Variants in SELENOI observed in about 807,000 individuals in gnomAD.
The protein encoded by SELENOI is selenoprotein I, also known as ethanolaminephosphotransferase 1.
Under a neutral mutation model 50.7 loss-of-function variants are expected in SELENOI, and 24 were observed. The ratio of observed to expected loss-of-function variants is 0.47; its 90% CI spans 0.34 to 0.67. SELENOI has a LOEUF of 0.67. SELENOI is among the 30% of genes least tolerant of loss of function. The pLI, the probability that SELENOI is intolerant of heterozygous loss-of-function variation, is 0.01. For missense variants in SELENOI, 352 were observed against 461.4 expected (o/e 0.76, Z 2.17); for synonymous variants, 155 against 170.2 (o/e 0.91, Z 0.70).
intron 5 of SELENOI, 89 bp from the exon 6 acceptor site, chr2:26,374,951 A>T (rs1416008549): frequency 5.1e-5 from 43 of 848,676 alleles, no homozygotes; most frequent in African/African-American, 8.6e-5. Context: ...AAACTGTTTG[A>T]CTTGACTTAA....
At chr2:26,353,515 T>C (rs948820560) in intron 1 of SELENOI, among the ~76,000 whole-genome samples, 1 of 152,244 alleles carries the variant, frequency 6.6e-6, no homozygotes, top group Non-Finnish European at 1.5e-5. Context: ...CCATTACAGT[T>C]AATTGAAGCA....
chr2:26,347,743 TAA>T lies in SELENOI; in HGVS notation c.57+1457_57+1458del, dbSNP rs750955322. On this transcript the variant is annotated intron_variant, in intron 1 of 9. Coordinates refer to ENST00000260585, the MANE Select transcript of SELENOI (RefSeq NM_033505.4). ...TAGGGTCTGACTTTCTAAGTGCCAA[TAA>T]AATAGCTATTTCAATGGGAGCAGTG... Among the ~76,000 whole-genome samples the T allele has an allele frequency of 2.6e-5, 4 of 152,232 alleles. No individual in the cohort carries two copies. The East Asian group carries it at 7.7e-4, about 29-fold the overall frequency.
At chr2:26,384,328 C>T (rs1055159972) in intron 7 of SELENOI, among the ~76,000 whole-genome samples, 3 of 152,186 alleles carry the variant, frequency 2.0e-5, no homozygotes, top group Non-Finnish European at 2.9e-5. Flanking sequence ...GATTATTTCT[C>T]TACATTTTCT....
Position 26,389,157 on chromosome 2 carries a change from C to A in SELENOI, c.*54C>A. 7.5e-7 allele frequency: 1 copy of A among 1,328,982 alleles called. No homozygotes were observed. 82.3% of individuals were successfully genotyped at this position (1,328,982 alleles called of 1,614,324 possible). On this transcript the variant is annotated 3_prime_UTR_variant, in exon 10 of 10. Transcript: ENST00000260585. ...TGTAAATAAATGCTTGTAAATATTT[C>A]CTCCATCACCATTGAACTAGACTGA... is the stretch of plus-strand genomic sequence containing the variant.
chr2:26,376,679 C>G (rs1436885033), intron 6 of SELENOI, among the ~76,000 whole-genome samples: 1 of 152,134 alleles, frequency 6.6e-6, no homozygotes, highest in Non-Finnish European at 1.5e-5. Context: ...ACATATTTGC[C>G]TTATATTTGA....
At position 26,373,647 on chromosome 2, in the gene SELENOI, C is replaced by A; in HGVS notation, c.573+18C>A. The stretch of plus-strand genomic sequence containing the variant: ...GCCAGGTGGTAAGTATGTGTTCTAC[C>A]TTAAATTTTCAGTATTACCATGATA... On this transcript the variant is annotated intron_variant, in intron 5 of 9. Coordinates refer to ENST00000260585, the MANE Select transcript of SELENOI (RefSeq NM_033505.4). 1 of 1,609,164 alleles carries A rather than the reference C, an allele frequency of 6.2e-7. No homozygotes were observed. Among genetic ancestry groups the A allele is most frequent in the South Asian group, 1.1e-5 (1 of 90,456 alleles).
chr2:26,374,507 C>CA (rs1324525167), intron 5 of SELENOI, among the ~76,000 whole-genome samples: 1 of 151,706 alleles, frequency 6.6e-6, no homozygotes, highest in Non-Finnish European at 1.5e-5. Context: ...AAATGATGGC[C>CA]AGTTGCTTGC....
intron 9 of SELENOI, among the ~76,000 whole-genome samples, chr2:26,388,374 C>T (rs1347195287): frequency 2.0e-5 from 3 of 152,122 alleles, no homozygotes; most frequent in Non-Finnish European, 4.4e-5. Context: ...ATAAATAACA[C>T]GCTAACTGGA....
chr2:26,354,536 G>A (rs1303999861), intron 1 of SELENOI, among the ~76,000 whole-genome samples: 1 of 151,806 alleles, frequency 6.6e-6, no homozygotes, highest in Non-Finnish European at 1.5e-5. Context: ...ACAGGCGGCC[G>A]CCACCACGCC....
intron 4 of SELENOI, 61 bp downstream of exon 4, chr2:26,367,281 G>A (rs999126803): frequency 3.5e-5 from 45 of 1,287,898 alleles, no homozygotes; most frequent in African/African-American, 8.9e-5. Flanking sequence ...GGATAGCCAC[G>A]TATTAAAATA....
chr2:26,381,148 A>G (rs929519237), intron 6 of SELENOI, among the ~76,000 whole-genome samples: 5 of 140,258 alleles, frequency 3.6e-5, no homozygotes, highest in Middle Eastern at 3.8e-3. Context: ...AGGAATGAAA[A>G]TATTTTTTAT....
Position 26,390,147 on chromosome 2 carries a change from A to C in SELENOI, c.*1044A>C, listed in dbSNP as rs1677932181. 1.3e-5 allele frequency: 2 copies of C among 150,128 alleles called. No individual in the cohort carries two copies. The allele number at this position is 150,128 out of a possible 1,614,324, so 9.3% of individuals were successfully genotyped here. A position where few individuals can be genotyped will look rare whatever the true frequency, so the allele number is the denominator to read the frequency against. ...TTTCCCCACTTGAAGAAAACTTTTG[A>C]TATATATGCCTTACTGAGTACATGC... On this transcript the variant is annotated 3_prime_UTR_variant, in exon 10 of 10. Coordinates refer to ENST00000260585, the MANE Select transcript of SELENOI (RefSeq NM_033505.4).
intron 1 of SELENOI, among the ~76,000 whole-genome samples, chr2:26,348,233 T>C (rs1676854403): frequency 6.6e-6 from 1 of 152,234 alleles, no homozygotes; most frequent in South Asian, 2.1e-4. Flanking sequence ...GCTTTATAAA[T>C]GCTTATTTTA....
chr2:26,373,737 G>A (rs1024048026), intron 5 of SELENOI, 108 bp downstream of exon 5: 2 of 1,157,138 alleles, frequency 1.7e-6, no homozygotes, highest in Admixed American at 2.9e-5. Flanking sequence ...GAATTGATAT[G>A]TACTTAAAAA....
chr2:26,354,370 CTGTT>C (rs1677020609), intron 1 of SELENOI, among the ~76,000 whole-genome samples: 1 of 151,988 alleles, frequency 6.6e-6, no homozygotes, highest in African/African-American at 2.4e-5. Context: ...TAGGTACTGG[CTGTT>C]TGTTTTTGTT....
rs905740995 is a variant in SELENOI, at chr2:26,347,712, C to G, written c.57+1423C>G. Among the ~76,000 whole-genome samples, 40 of 152,156 alleles carry G rather than the reference C, an allele frequency of 2.6e-4. 1 individual carries two copies. The highest frequency in any genetic ancestry group is 2.6e-3 in the Admixed American group (40 of 15,268). Reference sequence around the variant, plus strand: ...ATATTGACATATAAAACATTTTCTTCCTTACTAGGGTCTGACTTTCTAAGT... The same window carrying G: ...ATATTGACATATAAAACATTTTCTTGCTTACTAGGGTCTGACTTTCTAAGT... On this transcript the variant is annotated intron_variant, in intron 1 of 9. Transcript: ENST00000260585.
intron 4 of SELENOI, among the ~76,000 whole-genome samples, chr2:26,370,902 G>A (rs1213161476): frequency 2.4e-5 from 3 of 124,532 alleles, no homozygotes; most frequent in African/African-American, 3.2e-5. Flanking sequence ...CCTCCCTCCC[G>A]GACGGGGCGG....
At chr2:26,374,566 ATTTT>A (rs34004967) in intron 5 of SELENOI, among the ~76,000 whole-genome samples, 3 of 128,842 alleles carry the variant, frequency 2.3e-5, no homozygotes. Flanking sequence ...AAAAGATTGT[ATTTT>A]TTTTTTTTTT....
At chr2:26,374,011 C>G (rs146187068) in intron 5 of SELENOI, among the ~76,000 whole-genome samples, 6 of 152,008 alleles carry the variant, frequency 3.9e-5, no homozygotes, top group African/African-American at 1.5e-4. Context: ...CTTGGCTTCC[C>G]GAAGTGTTAG....
Sources: gnomAD v4.1 joint callset for allele counts (sites outside exome capture counted in the v4.1 genomes callset) on GRCh38, gnomAD v4.1.1 for gene constraint, MANE v1.5 for transcripts, NCBI Gene and HGNC (gene_info 2026-07-23, HGNC 2026-07-21) for gene names.